KLF12: variants seen among roughly 807,000 people sequenced by gnomAD.
KLF12 encodes Krueppel-like factor 12.
A neutral mutation model predicts 37.8 loss-of-function variants in KLF12; 9 were observed. The ratio of observed to expected loss-of-function variants is 0.24; its 90% CI spans 0.14 to 0.42. The LOEUF (loss-of-function observed/expected upper bound fraction) is 0.42, where lower values mean the gene tolerates loss of function less well. KLF12 is among the 10% of genes least tolerant of loss of function. KLF12 has a pLI of 1.00. For synonymous variants in KLF12, 208 were observed against 202.1 expected, an observed-to-expected ratio of 1.03 and a Z score of -0.25; for missense variants, 411 against 516.0, an observed-to-expected ratio of 0.80 and a Z score of 1.97.
chr13:74,303,408 G>A, the KLF12 span, among the ~76,000 whole-genome samples: 1 of 152,042 alleles, frequency 6.6e-6, no homozygotes, highest in African/African-American at 2.4e-5. Context: ...TCACCTTGGA[G>A]GGCATAGCTA....
intron 1 of KLF12, among the ~76,000 whole-genome samples, chr13:74,054,772 G>C (rs894648976): frequency 1.3e-5 from 2 of 152,078 alleles, no homozygotes; most frequent in Non-Finnish European, 2.9e-5. Flanking sequence ...TTCCATTCTT[G>C]ATAGAATTGC....
At chr13:73,729,451 C>T (rs34078725) in intron 6 of KLF12, among the ~76,000 whole-genome samples, 11,046 of 152,202 alleles carry the variant, frequency 0.073, 436 homozygotes, top group Middle Eastern at 0.15. Context: ...AAGTACTTGA[C>T]AGCAGGCAGG....
At chr13:73,813,706 G>T (rs991623131) in intron 4 of KLF12, among the ~76,000 whole-genome samples, 6 of 152,140 alleles carry the variant, frequency 3.9e-5, no homozygotes, top group African/African-American at 1.4e-4. Flanking sequence ...GCGGAAAGGA[G>T]ATATTAGTTG....
chr13:74,147,324 A>G, the KLF12 span, among the ~76,000 whole-genome samples: 2 of 152,150 alleles, frequency 1.3e-5, no homozygotes, highest in Non-Finnish European at 2.9e-5. Flanking sequence ...GTTCTGTAGA[A>G]TGCTAATAGG....
At chr13:73,947,549 G>C (rs1387879040) in intron 2 of KLF12, among the ~76,000 whole-genome samples, 2 of 151,156 alleles carry the variant, frequency 1.3e-5, no homozygotes, top group African/African-American at 4.9e-5. Context: ...TACTGAGGAG[G>C]CTGAGGCAGA....
intron 1 of KLF12, among the ~76,000 whole-genome samples, chr13:74,092,431 C>A (rs1033863445): frequency 6.7e-6 from 1 of 149,380 alleles, no homozygotes; most frequent in African/African-American, 2.5e-5. Flanking sequence ...TATAACCAGC[C>A]GGGCCAACAT....
At chr13:73,870,677 A>G (rs149140135) in intron 3 of KLF12, among the ~76,000 whole-genome samples, 175 of 152,382 alleles carry the variant, frequency 1.1e-3, no homozygotes, top group African/African-American at 4.1e-3. Flanking sequence ...ATGAGGCTGA[A>G]GTCAAGAGAA....
intron 3 of KLF12, 32 bp downstream of exon 3, chr13:73,943,949 G>A: frequency 1.5e-6 from 2 of 1,310,648 alleles, no homozygotes; most frequent in Non-Finnish European, 2.2e-6. Context: ...CTCATCAAAA[G>A]GAGTGGGGCA....
chr13:73,866,090 T>C (rs907057140), intron 3 of KLF12, among the ~76,000 whole-genome samples: 3 of 152,200 alleles, frequency 2.0e-5, no homozygotes, highest in African/African-American at 4.8e-5. Flanking sequence ...ACTCCATCAC[T>C]ACTAAAAATA....
At chr13:74,127,447 C>T (rs1878004202) in intron 1 of KLF12, among the ~76,000 whole-genome samples, 2 of 152,210 alleles carry the variant, frequency 1.3e-5, no homozygotes, top group Middle Eastern at 3.4e-3. Flanking sequence ...GAATACCAAC[C>T]GGAACACAGT....
At chr13:73,918,403 A>G (rs533135910) in intron 3 of KLF12, among the ~76,000 whole-genome samples, 3 of 152,190 alleles carry the variant, frequency 2.0e-5, no homozygotes, top group Non-Finnish European at 4.4e-5. Flanking sequence ...TTGCTACTAG[A>G]AAATTCAATC....
chr13:74,104,442 T>A (rs1332854279), intron 1 of KLF12, among the ~76,000 whole-genome samples: 1 of 152,182 alleles, frequency 6.6e-6, no homozygotes, highest in Non-Finnish European at 1.5e-5. Context: ...ACACAGAGTT[T>A]CAGTCAAAAA....
chr13:74,081,602 G>A (rs9318244), intron 1 of KLF12, among the ~76,000 whole-genome samples: 62,984 of 151,928 alleles, frequency 0.41, 14,161 homozygotes, highest in East Asian at 0.81. Flanking sequence ...CATGAGCAAC[G>A]CATCATCCTA....
intron 1 of KLF12, among the ~76,000 whole-genome samples, chr13:74,027,219 A>C (rs1892997306): frequency 6.6e-6 from 1 of 152,182 alleles, no homozygotes; most frequent in African/African-American, 2.4e-5. Flanking sequence ...TTGTGAAGAA[A>C]TACGAAGGCA....
chr13:73,883,756 G>A (rs1342026063), intron 3 of KLF12, among the ~76,000 whole-genome samples: 4 of 152,130 alleles, frequency 2.6e-5, no homozygotes, highest in Non-Finnish European at 4.4e-5. Flanking sequence ...AAAAGGTAGG[G>A]CATTTGCCTC....
At chr13:74,142,565 C>T in the KLF12 span, among the ~76,000 whole-genome samples, 1 of 152,146 alleles carries the variant, frequency 6.6e-6, no homozygotes, top group Admixed American at 6.5e-5. Flanking sequence ...AGACTGTAAG[C>T]TCTACAAGGC....
At chr13:73,827,711 C>T (rs1486686109) in intron 4 of KLF12, among the ~76,000 whole-genome samples, 1 of 152,044 alleles carries the variant, frequency 6.6e-6, no homozygotes, top group East Asian at 1.9e-4. Flanking sequence ...TACAGGCACC[C>T]ATCACCATGC....
chr13:74,004,722 T>C (rs893695416), intron 1 of KLF12, among the ~76,000 whole-genome samples: 1 of 152,198 alleles, frequency 6.6e-6, no homozygotes, highest in African/African-American at 2.4e-5. Flanking sequence ...AAATCTGAGA[T>C]TATTTGAAAT....
intron 6 of KLF12, among the ~76,000 whole-genome samples, chr13:73,751,464 C>T (rs551045183): frequency 3.9e-5 from 6 of 152,102 alleles, no homozygotes; most frequent in South Asian, 2.1e-4. Flanking sequence ...CAGACCTGTT[C>T]GGAGCTTAGG....
Sources: allele counts gnomAD v4.1 joint callset (sites outside exome capture counted in the v4.1 genomes callset), GRCh38; gene constraint gnomAD v4.1.1; transcripts MANE v1.5; gene names NCBI Gene and HGNC (gene_info 2026-07-23, HGNC 2026-07-21).